DOCK1: variants seen among roughly 807,000 people sequenced by gnomAD.
DOCK1 encodes the protein dedicator of cytokinesis protein 1.
DOCK1 carries 138 observed loss-of-function variants against 262.7 expected under a neutral mutation model. The ratio of observed to expected loss-of-function variants is 0.53; its 90% CI spans 0.46 to 0.61. The LOEUF (loss-of-function observed/expected upper bound fraction) is 0.61. DOCK1 is among the 20% of genes least tolerant of loss of function. The pLI, the probability that DOCK1 is intolerant of heterozygous loss-of-function variation, is 0.00. For synonymous variants in DOCK1, 866 were observed against 867.4 expected (o/e 1.00, Z 0.03); for missense variants, 1,908 against 2,370.7 (o/e 0.80, Z 4.05).
chr10:127,290,339 T>G (rs765955350), intron 29 of DOCK1, among the ~76,000 whole-genome samples: 15 of 152,244 alleles, frequency 9.9e-5, no homozygotes, highest in Non-Finnish European at 1.6e-4. Context: ...TTTAATACCA[T>G]GAAACTCCTT....
At chr10:127,449,191 G>A (rs764911567) in intron 51 of DOCK1, among the ~76,000 whole-genome samples, 5 of 152,120 alleles carry the variant, frequency 3.3e-5, no homozygotes, top group Admixed American at 6.5e-5. Flanking sequence ...GACCTTCCCC[G>A]GCCATTTCTA....
chr10:127,215,678 C>T (rs1001220832), intron 27 of DOCK1, among the ~76,000 whole-genome samples: 1 of 151,914 alleles, frequency 6.6e-6, no homozygotes, highest in African/African-American at 2.4e-5. Context: ...TTAAAATATG[C>T]CGCCCAAGGT....
intron 1 of DOCK1, among the ~76,000 whole-genome samples, chr10:126,951,028 G>A (rs1253833851): frequency 1.3e-5 from 2 of 151,984 alleles, no homozygotes; most frequent in African/African-American, 4.8e-5. Context: ...TGGTAGTATT[G>A]TTGGTAGTAG....
Position 127,234,296 on chromosome 10 carries a change from A to G in DOCK1, c.2848-13712A>G, listed in dbSNP as rs541638990. ...TTAGAAACCCTCTCCAAAGTGGGGG[A>G]AAAATAGTTTGGAAGTAATAGGAGA... On this transcript the variant is annotated intron_variant, in intron 27 of 51. Coordinates refer to ENST00000623213, the MANE Select transcript of DOCK1 (RefSeq NM_001290223.2). Among the ~76,000 whole-genome samples the G allele has an allele frequency of 1.4e-4, 22 of 152,258 alleles. No individual in the cohort carries two copies. In the South Asian group the frequency reaches 4.6e-3, roughly 32 times the overall value.
intron 21 of DOCK1, among the ~76,000 whole-genome samples, chr10:127,049,072 A>G (rs2044534483): frequency 6.6e-6 from 1 of 151,850 alleles, no homozygotes; most frequent in African/African-American, 2.4e-5. Context: ...TTGATTTTGT[A>G]TATAAAAAGC....
At chr10:127,258,170 G>A (rs1424565866) in intron 29 of DOCK1, among the ~76,000 whole-genome samples, 1 of 152,116 alleles carries the variant, frequency 6.6e-6, no homozygotes, top group African/African-American at 2.4e-5. Context: ...TAGTGTTTGT[G>A]TTGAGTTGTG....
At chr10:127,391,237 AAT>A (rs2066459870) in intron 38 of DOCK1, among the ~76,000 whole-genome samples, 1 of 152,204 alleles carries the variant, frequency 6.6e-6, no homozygotes, top group Non-Finnish European at 1.5e-5. Context: ...CCTGTGACTC[AAT>A]TTCATTTCTG....
At chr10:127,330,058 G>C (rs2062910310) in intron 29 of DOCK1, among the ~76,000 whole-genome samples, 1 of 152,074 alleles carries the variant, frequency 6.6e-6, no homozygotes, top group East Asian at 1.9e-4. Context: ...CTCCGCGTTG[G>C]GGCTCCTAGT....
At chr10:126,947,485 GTGGTGGT>G (rs2134317442) in intron 1 of DOCK1, among the ~76,000 whole-genome samples, 5 of 133,486 alleles carry the variant, frequency 3.7e-5, no homozygotes, top group South Asian at 2.4e-4. Context: ...GGTGGTGATG[GTGGTGGT>G]TGGTAGTATT....
At chr10:127,221,953 A>G (rs2058451763) in intron 27 of DOCK1, among the ~76,000 whole-genome samples, 1 of 152,254 alleles carries the variant, frequency 6.6e-6, no homozygotes, top group African/African-American at 2.4e-5. Flanking sequence ...TCTCCAAAGC[A>G]GTAGAGACAT....
rs77791924 is a variant in DOCK1, at chr10:127,127,645, G to A, written c.2752-24G>A. 515 of 1,584,612 alleles carry A rather than the reference G, an allele frequency of 3.3e-4. 7 individuals are homozygous for A. The East Asian group carries it at 6.3e-3, about 19-fold the overall frequency. ...ATGTTAATGTTTCTCTGGTGTTGGT[G>A]TTCATTGGTGTGTCCTTCCCCAGGG... On this transcript the variant is annotated intron_variant, in intron 26 of 51. Coordinates refer to ENST00000623213, the MANE Select transcript of DOCK1 (RefSeq NM_001290223.2).
chr10:127,296,141 TTTTTAAAAGATGGAGC>T (rs2061497149), intron 29 of DOCK1, among the ~76,000 whole-genome samples: 1 of 152,080 alleles, frequency 6.6e-6, no homozygotes, highest in African/African-American at 2.4e-5. Context: ...CTTCTGACTG[TTTTTAAAAGATGGAGC>T]ATTACCTCTC....
chr10:127,110,150 T>G, intron 24 of DOCK1, 98 bp from the exon 25 acceptor site: 1 of 947,098 alleles, frequency 1.1e-6, no homozygotes, highest in Non-Finnish European at 1.7e-6. Context: ...ACTGGTGACA[T>G]TAATGACCAT....
chr10:127,043,423 C>T lies in DOCK1; in HGVS notation c.2201+259C>T, dbSNP rs11018285. On this transcript the variant is annotated intron_variant, in intron 21 of 51. Transcript: ENST00000623213. ...ACCTTCCATTTATCTTTGAAATCTT[C>T]ACTTTATGTTCGATGAAACTGAGCT... Among the ~76,000 whole-genome samples the T allele has an allele frequency of 6.7e-3, 1,013 of 152,314 alleles. 5 individuals carry two copies. Among genetic ancestry groups the T allele is most frequent in the Middle Eastern group, 0.014 (4 of 294 alleles).
intron 28 of DOCK1, among the ~76,000 whole-genome samples, chr10:127,250,939 G>C (rs1212174648): frequency 6.6e-6 from 1 of 151,674 alleles, no homozygotes; most frequent in African/African-American, 2.4e-5. Context: ...ACTATACCGA[G>C]TATATGACTG....
intron 27 of DOCK1, 131 bp from the exon 28 acceptor site, chr10:127,247,877 A>T (rs1037745393): frequency 3.8e-6 from 3 of 793,658 alleles, no homozygotes; most frequent in Non-Finnish European, 6.2e-6. Flanking sequence ...GGGCAGCAGA[A>T]CCCAGGGCTC....
Position 127,100,220 on chromosome 10 carries a change from C to T in DOCK1, c.2446-6011C>T, listed in dbSNP as rs956507815. 2.6e-5 allele frequency among the ~76,000 whole-genome samples: 4 copies of T among 152,012 alleles called. No homozygotes were observed. The highest frequency in any genetic ancestry group is 1.9e-4 in the East Asian group (1 of 5,176). On this transcript the variant is annotated intron_variant, in intron 23 of 51. Coordinates refer to ENST00000623213, the MANE Select transcript of DOCK1 (RefSeq NM_001290223.2). The surrounding 1 kb of genome is among the most constrained non-coding windows in gnomAD (Gnocchi z 5.5). ...GGGGTCAGCGTGGAGGCAGGGAGGGCGGGTAGGAGGCTGTGGCAGCAAAGC... is the reference window on the plus strand; with the variant it reads ...GGGGTCAGCGTGGAGGCAGGGAGGGTGGGTAGGAGGCTGTGGCAGCAAAGC...
At chr10:127,271,079 C>A (rs1257515545) in intron 29 of DOCK1, among the ~76,000 whole-genome samples, 2 of 151,416 alleles carry the variant, frequency 1.3e-5, no homozygotes, top group East Asian at 3.9e-4. Context: ...ATCCTTGGGT[C>A]AGGTATCTGT....
chr10:127,438,784 C>G (rs1245979974), intron 48 of DOCK1, among the ~76,000 whole-genome samples: 1 of 152,202 alleles, frequency 6.6e-6, no homozygotes, highest in African/African-American at 2.4e-5. Flanking sequence ...CATCAAATAT[C>G]CGGTCAGACT....
Sources: allele counts gnomAD v4.1 joint callset (sites outside exome capture counted in the v4.1 genomes callset), GRCh38; gene constraint gnomAD v4.1.1; non-coding constraint Gnocchi (gnomAD v3.1); transcripts MANE v1.5; gene names NCBI Gene and HGNC (gene_info 2026-07-23, HGNC 2026-07-21).